TNS3: variants seen among roughly 807,000 people sequenced by gnomAD.
TNS3 encodes tensin 3, also known as tensin-3.
In TNS3, 45 loss-of-function variants were observed where a neutral mutation model predicts 140.9. The ratio of observed to expected loss-of-function variants is 0.32; its 90% confidence interval spans 0.25 to 0.41. TNS3 has a LOEUF of 0.41. TNS3 is among the 10% of genes least tolerant of loss of function. The probability of loss-of-function intolerance (pLI) is 1.00; values close to 1 mark genes in which losing one functional copy is unlikely to be tolerated. For missense variants in TNS3, 1,716 were observed against 1,906.7 expected, an observed-to-expected ratio of 0.90 and a Z score of 1.86; for synonymous variants, 815 against 788.4, an observed-to-expected ratio of 1.03 and a Z score of -0.56.
intron 1 of TNS3, among the ~76,000 whole-genome samples, chr7:47,556,723 A>G (rs1012314466): frequency 2.0e-5 from 3 of 152,252 alleles, no homozygotes; most frequent in African/African-American, 7.2e-5. Flanking sequence ...GAGGCATAAC[A>G]GCTGAGATCT....
intron 28 of TNS3, among the ~76,000 whole-genome samples, chr7:47,282,568 T>C: frequency 6.6e-6 from 1 of 152,222 alleles, no homozygotes; most frequent in East Asian, 1.9e-4. Context: ...ACCCTGACCC[T>C]GTCCCTGCGT....
intron 14 of TNS3, 108 bp from the exon 15 acceptor site, chr7:47,400,566 C>A: frequency 7.8e-7 from 1 of 1,276,506 alleles, no homozygotes; most frequent in Non-Finnish European, 1.1e-6. Context: ...CCCAAATCTG[C>A]AATAAAGACA....
chr7:47,417,284 G>A (rs1794132788), intron 10 of TNS3, among the ~76,000 whole-genome samples: 1 of 152,262 alleles, frequency 6.6e-6, no homozygotes, highest in African/African-American at 2.4e-5. Flanking sequence ...ACCATACTGT[G>A]GTCACACAGC....
Position 47,400,385 on chromosome 7 carries a change from C to T in TNS3, c.919+8G>A. On this transcript the variant is annotated splice_region_variant and intron_variant, in intron 15 of 30. Transcript: ENST00000311160. Reference sequence around the variant, plus strand: ...AAGGACCACCCAGTATTCCACCAAGCTACCCACCTTGAATCTTCTCAGGCG... The same window carrying T: ...AAGGACCACCCAGTATTCCACCAAGTTACCCACCTTGAATCTTCTCAGGCG... 1 of 1,613,872 alleles carries T rather than the reference C, an allele frequency of 6.2e-7. No individual in the cohort carries two copies. The highest frequency in any genetic ancestry group is 8.5e-7 in the Non-Finnish European group (1 of 1,179,778).
At chr7:47,302,685 G>A (rs17172850) in intron 22 of TNS3, among the ~76,000 whole-genome samples, 15,647 of 152,232 alleles carry the variant, frequency 0.1, 979 homozygotes, top group African/African-American at 0.17. Flanking sequence ...ATGGAAAGTA[G>A]AACCACTGCA....
At chr7:47,295,564 G>C (rs569906541) in intron 24 of TNS3, among the ~76,000 whole-genome samples, 2 of 152,270 alleles carry the variant, frequency 1.3e-5, no homozygotes, top group African/African-American at 4.8e-5. Context: ...CTGGATGCTA[G>C]AAGATCCTAC....
At chr7:47,362,004 T>C (rs562376522) in intron 17 of TNS3, among the ~76,000 whole-genome samples, 30 of 152,254 alleles carry the variant, frequency 2.0e-4, no homozygotes, top group African/African-American at 7.2e-4. Flanking sequence ...TGGGATATCA[T>C]CAGTTGAAAT....
intron 1 of TNS3, among the ~76,000 whole-genome samples, chr7:47,531,781 G>A (rs1312809516): frequency 4.6e-5 from 7 of 152,168 alleles, no homozygotes; most frequent in Non-Finnish European, 1.0e-4. Flanking sequence ...CACCCCTTCT[G>A]AGTTGGGGTG....
chr7:47,530,716 C>T (rs371283907), intron 1 of TNS3, among the ~76,000 whole-genome samples: 2 of 149,560 alleles, frequency 1.3e-5, no homozygotes, highest in East Asian at 2.0e-4. Context: ...CCCAGCTACT[C>T]GGGAGGCTAA....
chr7:47,570,051 G>A (rs1189146269), intron 1 of TNS3, among the ~76,000 whole-genome samples: 5 of 152,212 alleles, frequency 3.3e-5, no homozygotes, highest in Non-Finnish European at 5.9e-5. Flanking sequence ...TTGGGAGGCT[G>A]AGGCAGGAGA....
chr7:47,416,876 G>A (rs955913145), intron 10 of TNS3, among the ~76,000 whole-genome samples: 7 of 152,236 alleles, frequency 4.6e-5, no homozygotes, highest in Non-Finnish European at 1.0e-4. Context: ...AGAGGCCTGA[G>A]TCACCTCCTC....
intron 4 of TNS3, among the ~76,000 whole-genome samples, chr7:47,475,068 A>G (rs1797137957): frequency 6.6e-6 from 1 of 151,414 alleles, no homozygotes; most frequent in Admixed American, 6.6e-5. Flanking sequence ...ACAAAAACAC[A>G]CCTCACGTAC....
intron 23 of TNS3, among the ~76,000 whole-genome samples, chr7:47,300,998 AT>A (rs1786369467): frequency 6.6e-6 from 1 of 152,194 alleles, no homozygotes; most frequent in African/African-American, 2.4e-5. Context: ...CATTTCTGTC[AT>A]CTACATAACT....
At position 47,309,352 on chromosome 7, in the gene TNS3, T is replaced by C. The variant is rs143312827; in HGVS notation, c.2651-4349A>G. Among the ~76,000 whole-genome samples the C allele has an allele frequency of 5.6e-3, 850 of 151,880 alleles. 4 individuals carry two copies. Among genetic ancestry groups the C allele is most frequent in the African/African-American group, 0.019 (784 of 41,382 alleles). On this transcript the variant is annotated intron_variant, in intron 20 of 30. Coordinates refer to ENST00000311160, the MANE Select transcript of TNS3 (RefSeq NM_022748.12). Reference sequence around the variant, plus strand: ...TAATTATAAATTATTGAAAACTCTATAAATTAATATCCCCAAGACTTAAGA... The same window carrying C: ...TAATTATAAATTATTGAAAACTCTACAAATTAATATCCCCAAGACTTAAGA...
At chr7:47,518,140 C>A (rs1365186591) in intron 2 of TNS3, among the ~76,000 whole-genome samples, 1 of 152,228 alleles carries the variant, frequency 6.6e-6, no homozygotes, top group Admixed American at 6.5e-5. Flanking sequence ...CTGCCTCCCA[C>A]AGCACCATTT....
chr7:47,439,087 G>C (rs1047176033), intron 6 of TNS3, among the ~76,000 whole-genome samples: 2 of 152,188 alleles, frequency 1.3e-5, no homozygotes, highest in Admixed American at 6.5e-5. Flanking sequence ...GGTTTCTTGG[G>C]TGCCCACCTA....
At chr7:47,312,360 A>C (rs12672674) in intron 20 of TNS3, among the ~76,000 whole-genome samples, 40,258 of 152,176 alleles carry the variant, frequency 0.26, 5,784 homozygotes, top group South Asian at 0.34. Context: ...CCCAGTACTA[A>C]GATGACTTAT....
intron 16 of TNS3, among the ~76,000 whole-genome samples, chr7:47,384,278 T>C (rs1584530626): frequency 1.3e-5 from 2 of 152,214 alleles, no homozygotes; most frequent in South Asian, 4.1e-4. Flanking sequence ...GCTGTGTGCC[T>C]AGAGGCCGGG....
At chr7:47,395,747 A>T (rs2462636) in intron 16 of TNS3, among the ~76,000 whole-genome samples, 125,950 of 152,194 alleles carry the variant, frequency 0.83, 53,587 homozygotes, top group Non-Finnish European at 0.92. Flanking sequence ...AGCCCCAGAT[A>T]TCATCTGTGT....
Sources: gnomAD v4.1 joint callset for allele counts (sites outside exome capture counted in the v4.1 genomes callset) on GRCh38, gnomAD v4.1.1 for gene constraint, MANE v1.5 for transcripts, NCBI Gene and HGNC (gene_info 2026-07-23, HGNC 2026-07-21) for gene names.